DPP6: variants seen among roughly 807,000 people sequenced by gnomAD.
DPP6 encodes A-type potassium channel modulatory protein DPP6.
A neutral mutation model predicts 122.6 loss-of-function variants in DPP6; 69 were observed. The observed-to-expected ratio is 0.56, with a 90% CI of 0.46 to 0.69. The LOEUF (loss-of-function observed/expected upper bound fraction) is 0.69. Among genes scored for constraint, DPP6 ranks in the 30% least tolerant of loss-of-function variants. DPP6 has a pLI of 0.00. For synonymous variants in DPP6, 418 were observed against 433.1 expected, an observed-to-expected ratio of 0.97 and a Z score of 0.43; for missense variants, 928 against 1,116.9, an observed-to-expected ratio of 0.83 and a Z score of 2.41.
intron 1 of DPP6, among the ~76,000 whole-genome samples, chr7:153,889,832 A>G (rs564435010): frequency 6.6e-6 from 1 of 152,334 alleles, no homozygotes; most frequent in African/African-American, 2.4e-5. Flanking sequence ...AATGAGATGC[A>G]CACTTACTCA....
the DPP6 span, among the ~76,000 whole-genome samples, chr7:153,816,656 T>C: frequency 6.6e-6 from 1 of 152,126 alleles, no homozygotes; most frequent in Non-Finnish European, 1.5e-5. Context: ...ACCAAGATTT[T>C]GACAAATTTC....
At chr7:154,336,661 T>C (rs898143318) in intron 1 of DPP6, among the ~76,000 whole-genome samples, 2 of 152,066 alleles carry the variant, frequency 1.3e-5, no homozygotes, top group African/African-American at 4.8e-5. Context: ...CCATTCAGAG[T>C]TGTGGGGAGA....
At chr7:154,790,453 A>T (rs962721969) in intron 10 of DPP6, among the ~76,000 whole-genome samples, 2 of 152,216 alleles carry the variant, frequency 1.3e-5, no homozygotes, top group African/African-American at 2.4e-5. Flanking sequence ...GGATGCATGT[A>T]TGTAAAAAGA....
the DPP6 span, among the ~76,000 whole-genome samples, chr7:153,868,141 G>A: frequency 6.6e-6 from 1 of 151,930 alleles, no homozygotes; most frequent in Non-Finnish European, 1.5e-5. Flanking sequence ...GCCCGGCTTT[G>A]GTATCAGGAT....
At chr7:154,772,336 AAAGAGG>A (rs1796297215) in intron 9 of DPP6, among the ~76,000 whole-genome samples, 1 of 152,014 alleles carries the variant, frequency 6.6e-6, no homozygotes, top group Non-Finnish European at 1.5e-5. Context: ...AAGTCCCCCT[AAAGAGG>A]AAGCCCCACA....
chr7:153,827,979 A>G, the DPP6 span, among the ~76,000 whole-genome samples: 1 of 152,320 alleles, frequency 6.6e-6, no homozygotes, highest in Admixed American at 6.5e-5. Flanking sequence ...CCCCTGCCCT[A>G]GAGTGTCAGT....
At chr7:154,124,424 A>G (rs912577191) in intron 1 of DPP6, among the ~76,000 whole-genome samples, 3 of 152,172 alleles carry the variant, frequency 2.0e-5, no homozygotes, top group African/African-American at 7.2e-5. Flanking sequence ...GTCATGGGAC[A>G]TGTAAGAGGG....
chr7:154,540,115 A>T (rs561660713), intron 3 of DPP6, among the ~76,000 whole-genome samples: 1 of 152,226 alleles, frequency 6.6e-6, no homozygotes, highest in African/African-American at 2.4e-5. Context: ...CGTGGAGCAG[A>T]TGAAAGCATG....
rs535163301 is a variant in DPP6 at position 153,950,118 on chromosome 7, C to A, written c.51+62384C>A. ...ACAGAGGGATCATTAGGCTCAGCCT[C>A]AGGTGGAACAGGTGCCTACTGGAAG... On this transcript the variant is annotated intron_variant, in intron 1 of 25. Transcript: ENST00000404039. Among the ~76,000 whole-genome samples, 5 of 152,304 alleles carry A rather than the reference C, an allele frequency of 3.3e-5. No individual in the cohort carries two copies. The East Asian group carries it at 9.7e-4, about 29-fold the overall frequency.
intron 1 of DPP6, among the ~76,000 whole-genome samples, chr7:153,944,658 G>T (rs1004016364): frequency 7.7e-6 from 1 of 130,522 alleles, no homozygotes; most frequent in Admixed American, 8.1e-5. Context: ...TCTTATTTTT[G>T]TGTGGGTTTT....
At chr7:154,638,519 G>A (rs796541519) in intron 6 of DPP6, among the ~76,000 whole-genome samples, 44 of 152,186 alleles carry the variant, frequency 2.9e-4, no homozygotes, top group African/African-American at 1.1e-3. Context: ...TGGGCCCCCC[G>A]GCTTCATTCT....
intron 1 of DPP6, among the ~76,000 whole-genome samples, chr7:154,080,810 A>T (rs1414049719): frequency 1.3e-5 from 2 of 152,144 alleles, no homozygotes; most frequent in Non-Finnish European, 2.9e-5. Context: ...ACTGGCTGGT[A>T]GGTCGAAGCC....
chr7:154,772,975 A>G, intron 10 of DPP6, 33 bp downstream of exon 10: 1 of 1,523,362 alleles, frequency 6.6e-7, no homozygotes, highest in Non-Finnish European at 8.8e-7. Context: ...ACCAAAAAAA[A>G]AAAAAAACTA....
chr7:153,986,639 A>G (rs2533618), intron 1 of DPP6, among the ~76,000 whole-genome samples: 3 of 152,222 alleles, frequency 2.0e-5, no homozygotes, highest in South Asian at 2.1e-4. Flanking sequence ...ACAACATTGA[A>G]TGCTGAAAGT....
the DPP6 span, among the ~76,000 whole-genome samples, chr7:153,831,493 C>T: frequency 6.6e-6 from 1 of 152,098 alleles, no homozygotes; most frequent in Non-Finnish European, 1.5e-5. Context: ...CAGGGGGTGG[C>T]AAACGTTTTC....
At chr7:154,868,220 C>T (rs1325690456) in intron 18 of DPP6, 127 bp downstream of exon 18, 2 of 1,249,572 alleles carry the variant, frequency 1.6e-6, no homozygotes, top group African/African-American at 1.5e-5. Flanking sequence ...TATCTTTGCC[C>T]CTCAGCTCCT....
the DPP6 span, among the ~76,000 whole-genome samples, chr7:153,802,112 T>C: frequency 1.3e-5 from 2 of 152,164 alleles, no homozygotes; most frequent in Non-Finnish European, 2.9e-5. Context: ...AAAGTTTCGG[T>C]CAGGAGCAGG....
intron 9 of DPP6, among the ~76,000 whole-genome samples, chr7:154,769,842 C>A (rs143249239): frequency 1.9e-3 from 293 of 152,310 alleles, no homozygotes; most frequent in Non-Finnish European, 3.7e-3. Flanking sequence ...CCTCCCCTCA[C>A]CACTCCCCAG....
chr7:154,743,498 G>T (rs923304127), intron 8 of DPP6, among the ~76,000 whole-genome samples: 1 of 152,188 alleles, frequency 6.6e-6, no homozygotes, highest in Non-Finnish European at 1.5e-5. Context: ...AGCGGAGTGT[G>T]TGGTGAAGTG....
Sources: allele counts gnomAD v4.1 joint callset (sites outside exome capture counted in the v4.1 genomes callset), GRCh38; gene constraint gnomAD v4.1.1; transcripts MANE v1.5; gene names NCBI Gene and HGNC (gene_info 2026-07-23, HGNC 2026-07-21).